Variants in VWA8 observed in about 807,000 individuals in gnomAD.
VWA8 encodes von Willebrand factor A domain-containing protein 8.
VWA8 carries 221 observed loss-of-function variants against 241.5 expected under a neutral mutation model. The observed-to-expected ratio is 0.91, with a 90% confidence interval of 0.82 to 1.02. VWA8 has a LOEUF of 1.02. Ranked by LOEUF, VWA8 falls within the 50% of genes least tolerant of loss-of-function variation. The probability of loss-of-function intolerance (pLI) is 0.00; values close to 1 mark genes in which losing one functional copy is unlikely to be tolerated. For missense variants in VWA8, 2,322 were observed against 2,328.7 expected (o/e 1.00, Z 0.06); for synonymous variants, 852 against 827.1 (o/e 1.03, Z -0.52).
chr13:41,797,688 A>G (rs962938995), intron 17 of VWA8, among the ~76,000 whole-genome samples: 1 of 152,164 alleles, frequency 6.6e-6, no homozygotes, highest in Non-Finnish European at 1.5e-5. Context: ...TTCATCCCCA[A>G]TCATGCTTTT....
chr13:41,601,084 C>A (rs1314723575), intron 40 of VWA8, among the ~76,000 whole-genome samples: 2 of 152,124 alleles, frequency 1.3e-5, no homozygotes, highest in Non-Finnish European at 1.5e-5. Flanking sequence ...GTGCCCTCTT[C>A]TGGGGCGTTG....
chr13:41,923,073 G>A (rs984026371), intron 2 of VWA8, among the ~76,000 whole-genome samples: 10 of 152,098 alleles, frequency 6.6e-5, no homozygotes, highest in Non-Finnish European at 1.3e-4. Flanking sequence ...AAGAAAATGT[G>A]GTACATATAC....
chr13:41,882,020 C>T (rs935071687), intron 9 of VWA8, among the ~76,000 whole-genome samples: 78 of 148,006 alleles, frequency 5.3e-4, no homozygotes, highest in Admixed American at 8.0e-4. Flanking sequence ...GGGCGGCTTC[C>T]GGGCGGAGGG....
At chr13:41,797,868 C>G (rs917693039) in intron 17 of VWA8, among the ~76,000 whole-genome samples, 1 of 152,100 alleles carries the variant, frequency 6.6e-6, no homozygotes, top group African/African-American at 2.4e-5. Context: ...GAATCTCTAA[C>G]TGTTATCTGG....
chr13:41,614,643 C>T (rs1294240759), intron 38 of VWA8, among the ~76,000 whole-genome samples: 3 of 152,224 alleles, frequency 2.0e-5, no homozygotes, highest in African/African-American at 7.2e-5. Context: ...ATGCCAGGCA[C>T]TGTGCTCAGT....
chr13:41,777,121 A>G (rs1451277133), intron 20 of VWA8, among the ~76,000 whole-genome samples: 1 of 152,174 alleles, frequency 6.6e-6, no homozygotes, highest in African/African-American at 2.4e-5. Context: ...ATAAACATAC[A>G]TTGAGTGTCT....
At chr13:41,902,929 A>C (rs1193598541) in intron 4 of VWA8, among the ~76,000 whole-genome samples, 5 of 152,168 alleles carry the variant, frequency 3.3e-5, no homozygotes, top group Non-Finnish European at 7.3e-5. Flanking sequence ...CTTTCTCCCA[A>C]TACCCACCAG....
intron 17 of VWA8, among the ~76,000 whole-genome samples, chr13:41,789,009 T>C (rs1050450784): frequency 6.6e-6 from 1 of 152,178 alleles, no homozygotes; most frequent in Admixed American, 6.6e-5. Context: ...TGCTTGCTAA[T>C]AGGGCATTCT....
At chr13:41,699,325 C>T in intron 28 of VWA8, 55 bp from the exon 29 acceptor site, 1 of 1,536,412 alleles carries the variant, frequency 6.5e-7, no homozygotes, top group East Asian at 2.3e-5. Context: ...CTCTAATTGG[C>T]CAAGAGGTCT....
chr13:41,931,957 C>G (rs1877145113), intron 2 of VWA8, among the ~76,000 whole-genome samples: 1 of 151,946 alleles, frequency 6.6e-6, no homozygotes, highest in Non-Finnish European at 1.5e-5. Flanking sequence ...TAATATTCAT[C>G]ATAGCTTAAA....
chr13:41,632,289 G>C (rs1246327277), intron 37 of VWA8, among the ~76,000 whole-genome samples: 1 of 152,096 alleles, frequency 6.6e-6, no homozygotes, highest in African/African-American at 2.4e-5. Flanking sequence ...TATCAAATCT[G>C]TTTGGCATTT....
intron 5 of VWA8, among the ~76,000 whole-genome samples, chr13:41,887,573 A>C (rs1874609097): frequency 6.6e-6 from 1 of 152,192 alleles, no homozygotes; most frequent in South Asian, 2.1e-4. Flanking sequence ...GTTTGAAAGG[A>C]AAAGCAGTTA....
intron 38 of VWA8, 100 bp from the exon 39 acceptor site, chr13:41,611,832 T>C: frequency 7.7e-7 from 1 of 1,290,324 alleles, no homozygotes; most frequent in Non-Finnish European, 1.1e-6. Context: ...GGATATTAAT[T>C]GTACTTAACT....
chr13:41,847,886 T>A (rs1295827672), intron 12 of VWA8, among the ~76,000 whole-genome samples: 2 of 152,238 alleles, frequency 1.3e-5, no homozygotes, highest in African/African-American at 4.8e-5. Flanking sequence ...TCTAACTACA[T>A]ATCTACAAAT....
chr13:41,634,192 G>A (rs1481197611), intron 37 of VWA8, among the ~76,000 whole-genome samples: 2 of 152,166 alleles, frequency 1.3e-5, no homozygotes, highest in Admixed American at 6.5e-5. Flanking sequence ...CCAGGGTCTT[G>A]GGCTGAGCTA....
Position 41,836,842 on chromosome 13 carries a change from G to A in VWA8, c.1426-3311C>T, listed in dbSNP as rs116860495. On this transcript the variant is annotated intron_variant, in intron 12 of 44. Transcript: ENST00000379310. ...CAGCAGCAGATCAATATAGCTCACC[G>A]CTATAAATGCCAACCAAAGCTATAG... Among the ~76,000 whole-genome samples, 294 of 152,122 alleles carry A rather than the reference G, an allele frequency of 1.9e-3. 1 individual carries two copies. The highest frequency in any genetic ancestry group is 2.9e-3 in the Non-Finnish European group (194 of 67,990).
At chr13:41,739,843 TTTTTGTTTTTTTTG>T (rs2045554444) in intron 21 of VWA8, among the ~76,000 whole-genome samples, 6 of 54,870 alleles carry the variant, frequency 1.1e-4, no homozygotes, top group African/African-American at 2.9e-4. Context: ...TTTTTTGTTT[TTTTTGTTTTTTTTG>T]TTTTTTTTTT....
chr13:41,572,290 T>TC (rs1257389097), intron 43 of VWA8, among the ~76,000 whole-genome samples: 4 of 152,342 alleles, frequency 2.6e-5, no homozygotes, highest in South Asian at 4.1e-4. Context: ...TGCCACCCCG[T>TC]CTGGGAGGTG....
At position 41,605,184 on chromosome 13, in the gene VWA8, AT is replaced by A; in HGVS notation, c.4969del (p.Ile1657SerfsTer15). 6.2e-7 allele frequency: 1 copy of A among 1,613,094 alleles called. No individual in the cohort carries two copies. The part of the protein sequence containing the change: ...VRRQVHSLRI[I>X]LDNLQAKGKE... ...GAAGATTACCTGTAAATTATCCAGG[AT>A]GATTCGGAGGGAGTGCACCTGTCGC... On this transcript the variant is annotated frameshift_variant, in exon 40 of 45. Transcript: ENST00000379310. LOFTEE classifies it high-confidence loss of function.
Sources: allele counts gnomAD v4.1 joint callset (sites outside exome capture counted in the v4.1 genomes callset), GRCh38; gene constraint gnomAD v4.1.1; transcripts MANE v1.5; gene names NCBI Gene and HGNC (gene_info 2026-07-23, HGNC 2026-07-21).